SV2B: variants seen among roughly 807,000 people sequenced by gnomAD.
The protein encoded by SV2B is synaptic vesicle glycoprotein 2B.
Under a neutral mutation model 73.9 loss-of-function variants are expected in SV2B, and 41 were observed. The ratio of observed to expected loss-of-function variants is 0.56; its 90% CI spans 0.43 to 0.72. The LOEUF (loss-of-function observed/expected upper bound fraction) is 0.72. Ranked by LOEUF, SV2B falls within the 30% of genes least tolerant of loss-of-function variation. SV2B has a pLI of 0.00. For missense variants in SV2B, 764 were observed against 857.8 expected (o/e 0.89, Z 1.37); for synonymous variants, 314 against 314.2 (o/e 1.00, Z 0.01).
At chr15:91,167,569 C>T (rs2043959938) in intron 1 of SV2B, among the ~76,000 whole-genome samples, 1 of 152,110 alleles carries the variant, frequency 6.6e-6, no homozygotes, top group Non-Finnish European at 1.5e-5. Context: ...GTCTTCACAC[C>T]TCTTTTTTGT....
Position 91,261,539 on chromosome 15 carries a change from C to G in SV2B, c.1008+1130C>G, listed in dbSNP as rs145504776. Among the ~76,000 whole-genome samples the G allele has an allele frequency of 2.2e-3, 330 of 152,166 alleles. No individual in the cohort carries two copies. Among genetic ancestry groups the G allele is most frequent in the African/African-American group, 7.4e-3 (306 of 41,512 alleles). ...CCTTCTTGTGCACATAGTTCCTTCC[C>G]CTTCATGTCCTAGGATTGTTTTATT... On this transcript the variant is annotated intron_variant, in intron 6 of 12. Transcript: ENST00000394232. The surrounding 1 kb of genome is among the most constrained non-coding windows in gnomAD (Gnocchi z 4.7).
Position 91,226,762 on chromosome 15 carries a change from T to C in SV2B, c.451+48T>C, listed in dbSNP as rs187048205. 34 of 1,568,422 alleles carry C rather than the reference T, an allele frequency of 2.2e-5. No homozygotes were observed. In the East Asian group the frequency reaches 7.4e-4, roughly 34 times the overall value. On this transcript the variant is annotated intron_variant, in intron 2 of 12. Transcript: ENST00000394232. ...CCCTCCAATGAAAGGGAAGGAGAAGTAAAATTTATCTAGTATCTGTCACTA... is the reference window on the plus strand; with the variant it reads ...CCCTCCAATGAAAGGGAAGGAGAAGCAAAATTTATCTAGTATCTGTCACTA...
intron 1 of SV2B, among the ~76,000 whole-genome samples, chr15:91,167,003 C>T (rs188957071): frequency 2.6e-4 from 40 of 151,912 alleles, no homozygotes; most frequent in South Asian, 2.5e-3. Flanking sequence ...TTAGTAGAGA[C>T]GGGGTTTCAC....
At position 91,228,104 on chromosome 15, in the gene SV2B, T is replaced by A. The variant is rs149692430; in HGVS notation, c.451+1390T>A. ...CTGTAAATAAAATTGAGATATAAAA[T>A]AAAGAACCTCTGCATAAAAAATTGT... On this transcript the variant is annotated intron_variant, in intron 2 of 12. Transcript: ENST00000394232. Among the ~76,000 whole-genome samples the A allele has an allele frequency of 2.0e-3, 297 of 152,226 alleles. 3 individuals carry two copies. Among genetic ancestry groups the A allele is most frequent in the African/African-American group, 6.8e-3 (281 of 41,538 alleles).
intron 1 of SV2B, among the ~76,000 whole-genome samples, chr15:91,143,594 C>T (rs1037205042): frequency 2.0e-5 from 3 of 152,058 alleles, no homozygotes; most frequent in Admixed American, 6.5e-5. Context: ...TAGTAATTCT[C>T]GATCGCCGAA....
intron 1 of SV2B, among the ~76,000 whole-genome samples, chr15:91,102,471 C>G (rs2041757464): frequency 6.6e-6 from 1 of 152,068 alleles, no homozygotes; most frequent in African/African-American, 2.4e-5. Context: ...ATATAACTTG[C>G]CTGGCACAAA....
rs2047790743 is a variant in SV2B at position 91,258,620 on chromosome 15, C to G, written c.918+66C>G. The stretch of plus-strand genomic sequence containing the variant: ...AGCCACAGGAACCCAGCCTCGCTTC[C>G]TTCTCTCAGCTCCTAGTCCCACATC... On this transcript the variant is annotated intron_variant, in intron 5 of 12. Transcript: ENST00000394232. The surrounding 1 kb of genome is among the most constrained non-coding windows in gnomAD (Gnocchi z 4.7). The G allele has an allele frequency of 6.2e-7, 1 of 1,603,526 alleles. No individual in the cohort carries two copies. Among genetic ancestry groups the G allele is most frequent in the Non-Finnish European group, 8.5e-7 (1 of 1,174,822 alleles).
intron 2 of SV2B, among the ~76,000 whole-genome samples, chr15:91,228,544 G>A (rs974923194): frequency 1.3e-5 from 2 of 152,152 alleles, no homozygotes; most frequent in Non-Finnish European, 1.5e-5. Flanking sequence ...TGGCAATGTC[G>A]GTAATGATTT....
chr15:91,109,502 C>G (rs970578307), intron 1 of SV2B, among the ~76,000 whole-genome samples: 15 of 152,206 alleles, frequency 9.9e-5, no homozygotes, highest in African/African-American at 3.1e-4. Context: ...CAAATGAACA[C>G]TGCTAAGGAG....
At position 91,105,942 on chromosome 15, in the gene SV2B, G is replaced by A. The variant is rs959063160; in HGVS notation, c.-392+5579G>A. Among the ~76,000 whole-genome samples the A allele has an allele frequency of 3.3e-5, 5 of 152,098 alleles. No individual in the cohort carries two copies. Among genetic ancestry groups the A allele is most frequent in the Non-Finnish European group, 5.9e-5 (4 of 68,022 alleles). ...CACATGCCTGTAGCCCTAGCTACTC[G>A]GGAGTCTGAGGTGGGAGGATCACCT... is the stretch of plus-strand genomic sequence containing the variant. On this transcript the variant is annotated intron_variant, in intron 1 of 12. Coordinates refer to ENST00000394232, the MANE Select transcript of SV2B (RefSeq NM_001323032.3). The surrounding 1 kb of genome is among the most constrained non-coding windows in gnomAD (Gnocchi z 5.5).
At position 91,297,029 on chromosome 15, in the gene SV2B, T is replaced by TTCTGTCCGATCGTTGGGCGCACGCTC. The variant is rs1567036374; in HGVS notation, c.*4477_*4478insTCTGTCCGATCGTTGGGCGCACGCTC. ...TCTGCCCGATCGTTGGGCGCACGCTTCTTCTGCCTGATCGTTGGGCGCACG... is the reference window on the plus strand; with the variant it reads ...TCTGCCCGATCGTTGGGCGCACGCTTTCTGTCCGATCGTTGGGCGCACGCTCCTTCTGCCTGATCGTTGGGCGCACG... On this transcript the variant is annotated 3_prime_UTR_variant, in exon 13 of 13. Transcript: ENST00000394232. The surrounding 1 kb of genome is among the most constrained non-coding windows in gnomAD (Gnocchi z 5.1). 8.4e-4 allele frequency: 34 copies of TTCTGTCCGATCGTTGGGCGCACGCTC among 40,416 alleles called. No individual in the cohort carries two copies. Among genetic ancestry groups the TTCTGTCCGATCGTTGGGCGCACGCTC allele is most frequent in the African/African-American group, 3.0e-3 (28 of 9,276 alleles). The allele number at this position is 40,416 out of a possible 1,614,324, so 2.5% of individuals were successfully genotyped here.
chr15:91,243,978 A>G (rs1351635488), intron 2 of SV2B, among the ~76,000 whole-genome samples: 1 of 152,134 alleles, frequency 6.6e-6, no homozygotes, highest in Non-Finnish European at 1.5e-5. Flanking sequence ...AGAGTGACAA[A>G]TGCCTCACCC....
rs1278745046 is a variant in SV2B at position 91,226,338 on chromosome 15, C to T, written c.75C>T (p.Ser25=). Reference sequence around the variant, plus strand: ...ATGGCTATTACCGCGGCAATGAGTCCAACCCAGAAGAAGATGCACAGAGTG... The same window carrying T: ...ATGGCTATTACCGCGGCAATGAGTCTAACCCAGAAGAAGATGCACAGAGTG... ...PSDGYYRGNE[S]NPEEDAQSDV... Residue 25 remains serine, a synonymous_variant, in exon 2 of 13, where the codon TCC becomes TCT. Transcript: ENST00000394232. 6.2e-7 allele frequency: 1 copy of T among 1,614,106 alleles called. No individual in the cohort carries two copies. Among genetic ancestry groups the T allele is most frequent in the Non-Finnish European group, 8.5e-7 (1 of 1,180,022 alleles).
intron 1 of SV2B, among the ~76,000 whole-genome samples, chr15:91,116,764 T>C (rs1403509106): frequency 1.3e-5 from 2 of 152,170 alleles, no homozygotes; most frequent in Non-Finnish European, 2.9e-5. Context: ...ACTGGGTAAC[T>C]TATAAAGAAA....
chr15:91,135,345 G>GA (rs1447777579), intron 1 of SV2B, among the ~76,000 whole-genome samples: 1 of 152,158 alleles, frequency 6.6e-6, no homozygotes, highest in Admixed American at 6.5e-5. Context: ...CATTCAGCAT[G>GA]AATCTTTCAC....
At chr15:91,119,628 A>G (rs2151742104) in intron 1 of SV2B, among the ~76,000 whole-genome samples, 1 of 152,378 alleles carries the variant, frequency 6.6e-6, no homozygotes, top group South Asian at 2.1e-4. Context: ...TTTGGAAAAT[A>G]GGAAAACTTA....
rs1246612357 is a variant in SV2B, at chr15:91,251,937, C to T, written c.570C>T (p.Ser190=). 6.2e-7 allele frequency: 1 copy of T among 1,614,110 alleles called. No individual in the cohort carries two copies. Residue 190 remains serine (S), a synonymous_variant, in exon 3 of 13, where the codon TCC becomes TCT. Coordinates refer to ENST00000394232, the MANE Select transcript of SV2B (RefSeq NM_001323032.3). ...TGGCCGTCAATGCCTCCTTCGCCTC[C>T]CTCTCTTCCTTCGTGCAGGGATATG... ...MSLAVNASFA[S]LSSFVQGYGA... is the part of the protein sequence containing the mutation.
intron 12 of SV2B, among the ~76,000 whole-genome samples, chr15:91,291,167 A>C (rs2049027366): frequency 6.7e-6 from 1 of 150,352 alleles, no homozygotes; most frequent in Non-Finnish European, 1.5e-5. Context: ...TCAATCTTAC[A>C]AAAACGTCAA....
At chr15:91,107,500 A>G (rs949462178) in intron 1 of SV2B, among the ~76,000 whole-genome samples, 2 of 151,670 alleles carry the variant, frequency 1.3e-5, no homozygotes, top group African/African-American at 2.4e-5. Flanking sequence ...TTTAGTAGAG[A>G]CGGGGTTTTA....
Sources: allele counts gnomAD v4.1 joint callset (sites outside exome capture counted in the v4.1 genomes callset), GRCh38; gene constraint gnomAD v4.1.1; non-coding constraint Gnocchi (gnomAD v3.1); transcripts MANE v1.5; gene names NCBI Gene and HGNC (gene_info 2026-07-23, HGNC 2026-07-21).